The following NDST3 variants were observed in gnomAD, a reference collection of about 807,000 sequenced individuals.
The protein encoded by NDST3 is bifunctional heparan sulfate N-deacetylase/N-sulfotransferase 3.
In NDST3, 58 loss-of-function variants were observed where a neutral mutation model predicts 96.1. That is an observed-to-expected ratio of 0.60 (90% CI 0.49 to 0.75). The LOEUF (loss-of-function observed/expected upper bound fraction) is 0.75. Among genes scored for constraint, NDST3 ranks in the 30% least tolerant of loss-of-function variants. The pLI is 0.00. For synonymous variants in NDST3, 333 were observed against 359.7 expected, an observed-to-expected ratio of 0.93 and a Z score of 0.84; for missense variants, 788 against 1,034.2, an observed-to-expected ratio of 0.76 and a Z score of 3.27.
At chr4:118,148,114 C>T (rs866255210) in intron 6 of NDST3, among the ~76,000 whole-genome samples, 6 of 152,138 alleles carry the variant, frequency 3.9e-5, no homozygotes, top group Non-Finnish European at 8.8e-5. Context: ...CTGGCTAACA[C>T]GGTGAAACCC....
intron 6 of NDST3, among the ~76,000 whole-genome samples, chr4:118,187,415 G>C (rs1478802886): frequency 6.6e-6 from 1 of 152,196 alleles, no homozygotes; most frequent in Admixed American, 6.5e-5. Flanking sequence ...CCAAAAGAGA[G>C]AAGATCTCCT....
intron 5 of NDST3, among the ~76,000 whole-genome samples, chr4:118,139,159 T>C (rs1733364494): frequency 6.6e-6 from 1 of 152,222 alleles, no homozygotes; most frequent in Non-Finnish European, 1.5e-5. Flanking sequence ...AAAACTGTTG[T>C]AAATGCTAGA....
intron 5 of NDST3, among the ~76,000 whole-genome samples, chr4:118,140,672 C>T (rs994043767): frequency 2.8e-4 from 43 of 152,228 alleles, no homozygotes; most frequent in African/African-American, 1.0e-3. Flanking sequence ...ACAATCATGG[C>T]AGAAGGCAAA....
At chr4:118,059,153 G>A (rs1284542188) in intron 2 of NDST3, among the ~76,000 whole-genome samples, 2 of 151,956 alleles carry the variant, frequency 1.3e-5, no homozygotes, top group East Asian at 1.9e-4. Context: ...AACATTCTTC[G>A]GAAAATGAAG....
At chr4:118,110,583 T>A (rs1383148714) in intron 3 of NDST3, among the ~76,000 whole-genome samples, 1 of 152,184 alleles carries the variant, frequency 6.6e-6, no homozygotes, top group Admixed American at 6.5e-5. Flanking sequence ...ATGATGATTT[T>A]AAATATAATA....
At chr4:118,212,870 A>C (rs866405652) in intron 6 of NDST3, among the ~76,000 whole-genome samples, 37 of 152,170 alleles carry the variant, frequency 2.4e-4, no homozygotes, top group Admixed American at 7.9e-4. Context: ...TATTTTACCC[A>C]ATCTCAGGTA....
chr4:118,209,356 A>G (rs1738641284), intron 6 of NDST3, among the ~76,000 whole-genome samples: 1 of 152,202 alleles, frequency 6.6e-6, no homozygotes, highest in South Asian at 2.1e-4. Context: ...CTGGCCTCTA[A>G]CTAACTGCAA....
At chr4:118,160,658 G>T (rs945147155) in intron 6 of NDST3, among the ~76,000 whole-genome samples, 1 of 151,952 alleles carries the variant, frequency 6.6e-6, no homozygotes, top group African/African-American at 2.4e-5. Context: ...CCAGTTGATC[G>T]CATCGGCTCC....
In NDST3 at chr4:118,166,878, G is replaced by A. The variant is rs1578756582; in HGVS notation, c.1539+23194G>A. 1.3e-5 allele frequency among the ~76,000 whole-genome samples: 2 copies of A among 151,844 alleles called. 1 individual carries two copies. Among genetic ancestry groups the A allele is most frequent in the East Asian group, 3.9e-4 (2 of 5,178 alleles). ...CATGATAAAAACTTGCAACAAAGTA[G>A]GAATAAAAGGAAATTACCTCAACGT... On this transcript the variant is annotated intron_variant, in intron 6 of 13. Coordinates refer to ENST00000296499, the MANE Select transcript of NDST3 (RefSeq NM_004784.3).
intron 6 of NDST3, among the ~76,000 whole-genome samples, chr4:118,197,137 T>C (rs899198353): frequency 2.6e-5 from 4 of 152,030 alleles, no homozygotes; most frequent in African/African-American, 9.7e-5. Context: ...TTTCCATGTG[T>C]TTGTATAGTT....
intron 6 of NDST3, among the ~76,000 whole-genome samples, chr4:118,146,300 C>T (rs1362145102): frequency 4.6e-5 from 7 of 152,286 alleles, no homozygotes; most frequent in Non-Finnish European, 1.5e-5. Flanking sequence ...GTGCCATTTT[C>T]TGAGAATGCC....
chr4:118,158,619 C>A (rs1187418913), intron 6 of NDST3, among the ~76,000 whole-genome samples: 1 of 152,160 alleles, frequency 6.6e-6, no homozygotes, highest in Non-Finnish European at 1.5e-5. Context: ...TGAAAGATTA[C>A]ACAGCCTTAA....
At chr4:118,252,522 G>A (rs1741812101) in intron 12 of NDST3, among the ~76,000 whole-genome samples, 1 of 152,214 alleles carries the variant, frequency 6.6e-6, no homozygotes, top group Non-Finnish European at 1.5e-5. Flanking sequence ...ATGAGAAAGA[G>A]TTATATGAAA....
chr4:118,231,344 TA>T (rs35491780), intron 8 of NDST3, among the ~76,000 whole-genome samples: 739 of 61,484 alleles, frequency 0.012, 4 homozygotes, highest in Middle Eastern at 0.043. Flanking sequence ...TAAAAAAAAA[TA>T]AATAAATAAT....
chr4:118,171,351 T>C (rs890157577), intron 6 of NDST3, among the ~76,000 whole-genome samples: 5 of 152,204 alleles, frequency 3.3e-5, no homozygotes, highest in Non-Finnish European at 7.4e-5. Context: ...TTTCACTAAA[T>C]TGATATCCCC....
intron 2 of NDST3, among the ~76,000 whole-genome samples, chr4:118,088,801 T>C (rs1578614229): frequency 2.0e-5 from 3 of 152,014 alleles, no homozygotes; most frequent in Admixed American, 2.0e-4. Flanking sequence ...GTAACTTTCT[T>C]GACAGTTATG....
At chr4:118,102,583 A>C (rs1729850945) in intron 2 of NDST3, among the ~76,000 whole-genome samples, 1 of 152,162 alleles carries the variant, frequency 6.6e-6, no homozygotes, top group South Asian at 2.1e-4. Context: ...TCAGTTTAAA[A>C]TAGAATAATG....
At chr4:118,235,344 A>T (rs1161805738) in intron 9 of NDST3, among the ~76,000 whole-genome samples, 3 of 152,112 alleles carry the variant, frequency 2.0e-5, no homozygotes, top group African/African-American at 7.2e-5. Context: ...TTCTCTATTA[A>T]TCGAACATCT....
At chr4:118,126,977 C>T (rs1732156194) in intron 4 of NDST3, among the ~76,000 whole-genome samples, 1 of 151,884 alleles carries the variant, frequency 6.6e-6, no homozygotes, top group Non-Finnish European at 1.5e-5. Context: ...TGCCTGTTTG[C>T]CATTTGTATG....
Sources: allele counts gnomAD v4.1 joint callset (sites outside exome capture counted in the v4.1 genomes callset), GRCh38; gene constraint gnomAD v4.1.1; transcripts MANE v1.5; gene names NCBI Gene and HGNC (gene_info 2026-07-23, HGNC 2026-07-21).